ITFG1: variants seen among roughly 807,000 people sequenced by gnomAD.
The protein encoded by ITFG1 is T-cell immunomodulatory protein.
Under a neutral mutation model 81.8 loss-of-function variants are expected in ITFG1, and 34 were observed. That is an observed-to-expected ratio of 0.42 (90% CI 0.32 to 0.55). The LOEUF (loss-of-function observed/expected upper bound fraction) is 0.55. ITFG1 is among the 20% of genes least tolerant of loss of function. ITFG1 has a pLI of 0.17. For synonymous variants in ITFG1, 285 were observed against 270.6 expected, an observed-to-expected ratio of 1.05 and a Z score of -0.52; for missense variants, 672 against 755.4, an observed-to-expected ratio of 0.89 and a Z score of 1.29.
intron 6 of ITFG1, among the ~76,000 whole-genome samples, chr16:47,403,790 A>T (rs1433697200): frequency 6.6e-6 from 1 of 151,456 alleles, no homozygotes; most frequent in Admixed American, 6.6e-5. Context: ...ACACACACAC[A>T]CACACACACA....
intron 6 of ITFG1, among the ~76,000 whole-genome samples, chr16:47,397,910 C>A (rs569094854): frequency 2.0e-5 from 3 of 152,276 alleles, no homozygotes; most frequent in South Asian, 2.1e-4. Flanking sequence ...GGTCTTTGAG[C>A]AAATCAATGT....
At chr16:47,254,053 T>C (rs1966112009) in intron 12 of ITFG1, among the ~76,000 whole-genome samples, 1 of 152,108 alleles carries the variant, frequency 6.6e-6, no homozygotes, top group Admixed American at 6.5e-5. Flanking sequence ...ACATTTTGAC[T>C]TGAGTTTTCT....
intron 5 of ITFG1, among the ~76,000 whole-genome samples, chr16:47,438,913 T>C (rs529073792): frequency 6.6e-6 from 1 of 151,922 alleles, no homozygotes; most frequent in Non-Finnish European, 1.5e-5. Flanking sequence ...TTTGAACCAA[T>C]GGCAAAGAAG....
At chr16:47,379,542 G>A (rs1968369125) in intron 6 of ITFG1, among the ~76,000 whole-genome samples, 1 of 152,058 alleles carries the variant, frequency 6.6e-6, no homozygotes. Flanking sequence ...ACAAAAATTA[G>A]CCAGGCGTGG....
In ITFG1 at chr16:47,219,105, AG is replaced by A. The variant is rs1231124655; in HGVS notation, c.1375-160del. On this transcript the variant is annotated intron_variant, in intron 13 of 17. Transcript: ENST00000320640. Reference sequence around the variant, plus strand: ...ATCAAAAGAAAACCTGTTGTTTCCTAGGATCTTAGTGTTAAAAAATAATAAA... The same window carrying A: ...ATCAAAAGAAAACCTGTTGTTTCCTAGATCTTAGTGTTAAAAAATAATAAA... Among the ~76,000 whole-genome samples, 3 of 152,312 alleles carry A rather than the reference AG, an allele frequency of 2.0e-5. No homozygotes were observed. The East Asian group carries it at 5.8e-4, about 29-fold the overall frequency.
chr16:47,390,995 G>C (rs921655897), intron 6 of ITFG1, among the ~76,000 whole-genome samples: 2 of 151,802 alleles, frequency 1.3e-5, no homozygotes, highest in African/African-American at 2.4e-5. Context: ...TATCATTTAG[G>C]AAGAGACAAA....
chr16:47,450,438 G>A (rs759246158), intron 5 of ITFG1: 14 of 420,364 alleles, frequency 3.3e-5, no homozygotes, highest in African/African-American at 6.3e-5. Context: ...GATGGGGCGC[G>A]TTCAGGGTGG....
chr16:47,355,950 AG>A (rs1257160841), intron 8 of ITFG1, among the ~76,000 whole-genome samples: 1 of 152,238 alleles, frequency 6.6e-6, no homozygotes, highest in East Asian at 1.9e-4. Context: ...TGGTTCTAAA[AG>A]CAAACAGCAT....
intron 2 of ITFG1, among the ~76,000 whole-genome samples, chr16:47,455,210 C>T (rs1327509839): frequency 1.3e-5 from 2 of 152,150 alleles, no homozygotes; most frequent in African/African-American, 4.8e-5. Context: ...CTAGGCAATA[C>T]ATTTCCAATT....
At chr16:47,445,400 C>T (rs1969312627) in intron 5 of ITFG1, among the ~76,000 whole-genome samples, 1 of 152,076 alleles carries the variant, frequency 6.6e-6, no homozygotes, top group Non-Finnish European at 1.5e-5. Flanking sequence ...AACAGGTACA[C>T]TCTCAGGCAC....
chr16:47,354,051 T>A (rs1008806486), intron 8 of ITFG1, among the ~76,000 whole-genome samples: 2 of 151,948 alleles, frequency 1.3e-5, no homozygotes, highest in Non-Finnish European at 2.9e-5. Context: ...GGGAAAAAAA[T>A]CCTAACGTTT....
chr16:47,155,876 G>T, intron 17 of ITFG1, 98 bp from the exon 18 acceptor site: 1 of 790,256 alleles, frequency 1.3e-6, no homozygotes, highest in Non-Finnish European at 2.1e-6. Context: ...AAAGTCTCCA[G>T]CAATTAGCAG....
At chr16:47,459,326 C>T in intron 1 of ITFG1, 151 bp from the exon 2 acceptor site, 1 of 581,522 alleles carries the variant, frequency 1.7e-6, no homozygotes, top group South Asian at 2.2e-5. Flanking sequence ...TCCCACTAGT[C>T]CAATGGAGAT....
intron 14 of ITFG1, among the ~76,000 whole-genome samples, chr16:47,174,204 GAT>G (rs1964994453): frequency 6.6e-6 from 1 of 152,086 alleles, no homozygotes; most frequent in African/African-American, 2.4e-5. Flanking sequence ...CAGTATAGGA[GAT>G]ATATTACATT....
intron 14 of ITFG1, among the ~76,000 whole-genome samples, chr16:47,191,142 C>A (rs931473621): frequency 2.6e-5 from 4 of 152,168 alleles, no homozygotes; most frequent in African/African-American, 9.7e-5. Flanking sequence ...GCATTTTATA[C>A]CTGAATGTTC....
intron 6 of ITFG1, among the ~76,000 whole-genome samples, chr16:47,399,430 G>A (rs745307693): frequency 3.3e-5 from 5 of 152,092 alleles, no homozygotes; most frequent in African/African-American, 1.2e-4. Flanking sequence ...ACAATTAGCC[G>A]GGCGTGTTGG....
intron 14 of ITFG1, among the ~76,000 whole-genome samples, chr16:47,192,546 GGTAA>G (rs1383768089): frequency 6.6e-6 from 1 of 152,114 alleles, no homozygotes; most frequent in Admixed American, 6.5e-5. Flanking sequence ...GTCAGGGGAG[GGTAA>G]GTGTTTAATG....
At chr16:47,408,089 A>G (rs1159706732) in intron 6 of ITFG1, among the ~76,000 whole-genome samples, 19 of 152,232 alleles carry the variant, frequency 1.2e-4, no homozygotes, top group Admixed American at 5.9e-4. Context: ...AAAATTTTCA[A>G]TACAGAATGA....
chr16:47,257,831 C>T (rs1156385446), intron 12 of ITFG1, among the ~76,000 whole-genome samples: 1 of 152,180 alleles, frequency 6.6e-6, no homozygotes, highest in African/African-American at 2.4e-5. Context: ...TTTTGAAATA[C>T]TGTTCTCTAC....
Sources: gnomAD v4.1 joint callset for allele counts (sites outside exome capture counted in the v4.1 genomes callset) on GRCh38, gnomAD v4.1.1 for gene constraint, MANE v1.5 for transcripts, NCBI Gene and HGNC (gene_info 2026-07-23, HGNC 2026-07-21) for gene names.